TGFA: variants seen among roughly 807,000 people sequenced by gnomAD.
TGFA encodes the protein transforming growth factor alpha.
Under a neutral mutation model 21.7 loss-of-function variants are expected in TGFA, and 12 were observed. The ratio of observed to expected loss-of-function variants is 0.55; its 90% CI spans 0.35 to 0.90. TGFA has a LOEUF of 0.90. TGFA is among the 40% of genes least tolerant of loss of function. The pLI is 0.01. For missense variants in TGFA, 178 were observed against 210.8 expected (o/e 0.84, Z 0.96); for synonymous variants, 79 against 88.1 (o/e 0.90, Z 0.58).
chr2:70,547,375 C>G (rs1349395243), intron 1 of TGFA, among the ~76,000 whole-genome samples: 1 of 151,896 alleles, frequency 6.6e-6, no homozygotes, highest in South Asian at 2.1e-4. Context: ...GGGCAGATTG[C>G]CTGAGGTCAG....
At chr2:70,518,775 A>G (rs1672363827) in intron 1 of TGFA, among the ~76,000 whole-genome samples, 1 of 152,156 alleles carries the variant, frequency 6.6e-6, no homozygotes, top group African/African-American at 2.4e-5. Flanking sequence ...TGGAGCTGGG[A>G]GGAGCATCCT....
chr2:70,524,843 A>G (rs567300228), intron 1 of TGFA, among the ~76,000 whole-genome samples: 31 of 152,280 alleles, frequency 2.0e-4, no homozygotes, highest in Non-Finnish European at 3.5e-4. Flanking sequence ...AAGTACAGGA[A>G]CCAAACACCA....
Position 70,499,722 on chromosome 2 carries a change from T to C in TGFA, c.94+15137A>G, listed in dbSNP as rs1553498855. Among the ~76,000 whole-genome samples, 3 of 152,184 alleles carry C rather than the reference T, an allele frequency of 2.0e-5. No individual in the cohort carries two copies. In the East Asian group the frequency reaches 5.8e-4, roughly 29 times the overall value. Reference sequence around the variant, plus strand: ...AGACATTGCACTAGGGGTTCATCCGTATGCAGAGCATTTTCACAAGTACAG... The same window carrying C: ...AGACATTGCACTAGGGGTTCATCCGCATGCAGAGCATTTTCACAAGTACAG... On this transcript the variant is annotated intron_variant, in intron 2 of 5. Transcript: ENST00000295400.
Position 70,550,242 on chromosome 2 carries a change from T to A in TGFA, c.40+3486A>T, listed in dbSNP as rs1352798954. ...CTCTGGATTATAAAATCCATTTTTGTATCATAAGATCAGTTGCATTTTGTG... is the reference window on the plus strand; with the variant it reads ...CTCTGGATTATAAAATCCATTTTTGAATCATAAGATCAGTTGCATTTTGTG... On this transcript the variant is annotated intron_variant, in intron 1 of 5. Coordinates refer to ENST00000295400, the MANE Select transcript of TGFA (RefSeq NM_003236.4). 2.6e-5 allele frequency among the ~76,000 whole-genome samples: 4 copies of A among 152,240 alleles called. No homozygotes were observed. The East Asian group carries it at 7.7e-4, about 29-fold the overall frequency.
intron 1 of TGFA, among the ~76,000 whole-genome samples, chr2:70,517,051 C>T (rs1672302947): frequency 6.6e-6 from 1 of 152,190 alleles, no homozygotes; most frequent in Non-Finnish European, 1.5e-5. Flanking sequence ...CACCACTGCT[C>T]CAGGAAGATG....
chr2:70,532,529 C>T (rs79070520), intron 1 of TGFA, among the ~76,000 whole-genome samples: 3,160 of 152,294 alleles, frequency 0.021, 64 homozygotes, highest in East Asian at 0.076. Flanking sequence ...CAACACAATC[C>T]TCTTCCTCAT....
At chr2:70,491,676 T>C (rs138181463) in intron 2 of TGFA, among the ~76,000 whole-genome samples, 1 of 152,218 alleles carries the variant, frequency 6.6e-6, no homozygotes, top group Non-Finnish European at 1.5e-5. Flanking sequence ...CCCATGCACA[T>C]GACTGTTGGC....
intron 1 of TGFA, among the ~76,000 whole-genome samples, chr2:70,518,840 G>C (rs1452511069): frequency 6.6e-6 from 1 of 152,194 alleles, no homozygotes; most frequent in African/African-American, 2.4e-5. Flanking sequence ...GCCTCTGCTG[G>C]GGCTGGGGTT....
intron 2 of TGFA, among the ~76,000 whole-genome samples, chr2:70,498,308 A>G (rs1671635868): frequency 6.6e-6 from 1 of 152,256 alleles, no homozygotes; most frequent in African/African-American, 2.4e-5. Flanking sequence ...TCAAACCATC[A>G]GCCAGCAGGC....
intron 2 of TGFA, among the ~76,000 whole-genome samples, chr2:70,499,943 C>T (rs1671687015): frequency 6.6e-6 from 1 of 152,102 alleles, no homozygotes; most frequent in Admixed American, 6.5e-5. Context: ...ATTCTAGTAG[C>T]CACCTTTAGG....
intron 1 of TGFA, among the ~76,000 whole-genome samples, chr2:70,536,617 A>T (rs890579930): frequency 2.0e-5 from 3 of 152,228 alleles, no homozygotes; most frequent in Non-Finnish European, 1.5e-5. Context: ...CAAAAAGGAA[A>T]CTCAAGAGCA....
chr2:70,514,575 C>A (rs538616687), intron 2 of TGFA, among the ~76,000 whole-genome samples: 1 of 152,122 alleles, frequency 6.6e-6, no homozygotes, highest in Non-Finnish European at 1.5e-5. Flanking sequence ...TGGGGTCCTG[C>A]AGGCCCTGTT....
chr2:70,511,672 T>C (rs1351410500), intron 2 of TGFA, among the ~76,000 whole-genome samples: 1 of 152,120 alleles, frequency 6.6e-6, no homozygotes, highest in Non-Finnish European at 1.5e-5. Flanking sequence ...GTATACGCAT[T>C]GAAGTGTTAC....
At chr2:70,547,558 A>C (rs1344230430) in intron 1 of TGFA, among the ~76,000 whole-genome samples, 10 of 150,508 alleles carry the variant, frequency 6.6e-5, no homozygotes, top group South Asian at 2.1e-4. Context: ...AAAAAAAAAA[A>C]AACATGAAAA....
At position 70,448,774 on chromosome 2, in the gene TGFA, T is replaced by C. The variant is rs958235326; in HGVS notation, c.*2085A>G. ...GTGAGGCCTCTCACTGCATGTGTGT[T>C]ACAGGCATAAGGATGAGGGCACTGG... On this transcript the variant is annotated 3_prime_UTR_variant, in exon 6 of 6. Transcript: ENST00000295400. 1.3e-5 allele frequency: 2 copies of C among 152,208 alleles called. No individual in the cohort carries two copies. Among genetic ancestry groups the C allele is most frequent in the Non-Finnish European group, 2.9e-5 (2 of 68,042 alleles). 9.4% of individuals were successfully genotyped at this position (152,208 alleles called of 1,614,324 possible).
chr2:70,469,013 G>A lies in TGFA; in HGVS notation c.95-3277C>T, dbSNP rs74453520. Among the ~76,000 whole-genome samples the A allele has an allele frequency of 4.8e-3, 730 of 152,272 alleles. 11 individuals are homozygous for A. The highest frequency in any genetic ancestry group is 0.017 in the African/African-American group (718 of 41,560). On this transcript the variant is annotated intron_variant, in intron 2 of 5. Transcript: ENST00000295400. Reference sequence around the variant, plus strand: ...GCTGCTGGGCTAGTGGATCTCATTTGATGTACATGTTCAAAAAGGCTTTTG... The same window carrying A: ...GCTGCTGGGCTAGTGGATCTCATTTAATGTACATGTTCAAAAAGGCTTTTG...
At chr2:70,546,998 A>G (rs1188005309) in intron 1 of TGFA, among the ~76,000 whole-genome samples, 1 of 152,244 alleles carries the variant, frequency 6.6e-6, no homozygotes, top group South Asian at 2.1e-4. Context: ...ACAATTCAAT[A>G]GTCACCATCT....
At chr2:70,469,050 A>G (rs1670657458) in intron 2 of TGFA, among the ~76,000 whole-genome samples, 1 of 152,080 alleles carries the variant, frequency 6.6e-6, no homozygotes, top group Non-Finnish European at 1.5e-5. Context: ...CAGGCTCCAC[A>G]AAAGGCCGTT....
intron 3 of TGFA, among the ~76,000 whole-genome samples, chr2:70,462,890 A>G (rs1397573473): frequency 6.6e-6 from 1 of 152,136 alleles, no homozygotes; most frequent in East Asian, 1.9e-4. Flanking sequence ...CACTTGGCCC[A>G]TAGGAAAAAC....
Sources: allele counts gnomAD v4.1 joint callset (sites outside exome capture counted in the v4.1 genomes callset), GRCh38; gene constraint gnomAD v4.1.1; transcripts MANE v1.5; gene names NCBI Gene and HGNC (gene_info 2026-07-23, HGNC 2026-07-21).